Variants in TMEFF2 observed in about 807,000 individuals in gnomAD.
TMEFF2 encodes transmembrane protein with EGF like and two follistatin like domains 2.
Under a neutral mutation model 53.8 loss-of-function variants are expected in TMEFF2, and 28 were observed. That is an observed-to-expected ratio of 0.52 (90% CI 0.39 to 0.71). The LOEUF is 0.71. Ranked by LOEUF, TMEFF2 falls within the 30% of genes least tolerant of loss-of-function variation. The probability of loss-of-function intolerance (pLI) is 0.00; values close to 1 mark genes in which losing one functional copy is unlikely to be tolerated. For missense variants in TMEFF2, 353 were observed against 455.2 expected, an observed-to-expected ratio of 0.78 and a Z score of 2.04; for synonymous variants, 162 against 166.3, an observed-to-expected ratio of 0.97 and a Z score of 0.20.
chr2:192,029,734 G>A (rs141707880), intron 5 of TMEFF2, among the ~76,000 whole-genome samples: 1 of 152,162 alleles, frequency 6.6e-6, no homozygotes, highest in East Asian at 1.9e-4. Flanking sequence ...TGCAATTGAG[G>A]CATTTAAAAT....
intron 7 of TMEFF2, among the ~76,000 whole-genome samples, chr2:191,963,966 T>C (rs1006957607): frequency 6.6e-6 from 1 of 152,208 alleles, no homozygotes; most frequent in African/African-American, 2.4e-5. Flanking sequence ...GAAAATGAAA[T>C]TAAAGTAGGT....
chr2:192,089,736 G>C lies in TMEFF2; in HGVS notation c.440-31961C>G, dbSNP rs1245914467. ...CCTCTTCCAAGCTGTATGACTTTAC[G>C]TAACCTCTTTAAGGTTTTGTTTTCT... On this transcript the variant is annotated intron_variant, in intron 4 of 9. Transcript: ENST00000272771. Among the ~76,000 whole-genome samples the C allele has an allele frequency of 2.6e-5, 4 of 152,092 alleles. No homozygotes were observed. The East Asian group carries it at 7.7e-4, about 29-fold the overall frequency.
intron 5 of TMEFF2, among the ~76,000 whole-genome samples, chr2:192,039,130 AG>A (rs149738512): frequency 0.014 from 2,205 of 152,284 alleles, 48 homozygotes; most frequent in African/African-American, 0.051. Context: ...ATTGAGGAAA[AG>A]ACAGGCAATA....
chr2:192,048,337 TA>T (rs1687674388), intron 5 of TMEFF2, among the ~76,000 whole-genome samples: 2 of 146,612 alleles, frequency 1.4e-5, no homozygotes, highest in Middle Eastern at 3.5e-3. Context: ...TGTTAATATG[TA>T]AAATATTATT....
rs553738867 is a variant in TMEFF2 at position 191,950,016 on chromosome 2, A to ATTTT, written c.*291_*294dup. 2.7e-6 allele frequency: 3 copies of ATTTT among 1,116,590 alleles called. No homozygotes were observed. In the African/African-American group the frequency reaches 4.9e-5, roughly 18 times the overall value. The allele number at this position is 1,116,590 out of a possible 1,614,324, so 69.2% of individuals were successfully genotyped here. A position where few individuals can be genotyped will look rare whatever the true frequency, so the allele number is the denominator to read the frequency against. On this transcript the variant is annotated 3_prime_UTR_variant, in exon 10 of 10. Coordinates refer to ENST00000272771, the MANE Select transcript of TMEFF2 (RefSeq NM_016192.4). ...AGATACCGCAAATTTAAGAATGCCA[A>ATTTT]TTTTTTCTCATCACTGAGTATTTAT... is the stretch of plus-strand genomic sequence containing the variant.
intron 5 of TMEFF2, among the ~76,000 whole-genome samples, chr2:192,048,359 AAAAC>A (rs1176802107): frequency 6.2e-5 from 4 of 64,484 alleles, no homozygotes; most frequent in African/African-American, 9.7e-5. Flanking sequence ...AGATTCTCAT[AAAAC>A]ACACACACAC....
At chr2:192,125,448 C>T (rs1320295423) in intron 4 of TMEFF2, among the ~76,000 whole-genome samples, 1 of 152,076 alleles carries the variant, frequency 6.6e-6, no homozygotes, top group African/African-American at 2.4e-5. Context: ...GGTTTTTCCA[C>T]TTAGACATCT....
intron 4 of TMEFF2, among the ~76,000 whole-genome samples, chr2:192,110,382 A>G (rs1274870215): frequency 6.6e-6 from 1 of 152,196 alleles, no homozygotes; most frequent in African/African-American, 2.4e-5. Flanking sequence ...ATAGACAATT[A>G]TAAACAAGAG....
chr2:192,007,536 G>A (rs1276092318), intron 5 of TMEFF2, among the ~76,000 whole-genome samples: 2 of 152,090 alleles, frequency 1.3e-5, no homozygotes, highest in African/African-American at 4.8e-5. Context: ...CAGTGTGCTG[G>A]GAGGATCACA....
At chr2:191,962,868 G>A (rs970069914) in intron 7 of TMEFF2, among the ~76,000 whole-genome samples, 3 of 152,288 alleles carry the variant, frequency 2.0e-5, no homozygotes, top group Admixed American at 6.5e-5. Flanking sequence ...AGAGCAGGCC[G>A]CTGGGAGAAG....
At chr2:192,170,207 G>A (rs1574432307) in intron 4 of TMEFF2, among the ~76,000 whole-genome samples, 1 of 152,102 alleles carries the variant, frequency 6.6e-6, no homozygotes, top group East Asian at 1.9e-4. Context: ...AGATGACACT[G>A]TATAGCTCCA....
chr2:192,113,109 T>C (rs946352114), intron 4 of TMEFF2, among the ~76,000 whole-genome samples: 8 of 152,202 alleles, frequency 5.3e-5, no homozygotes, highest in African/African-American at 1.9e-4. Flanking sequence ...ATTTAATTAA[T>C]GTTGAAGGTT....
intron 7 of TMEFF2, among the ~76,000 whole-genome samples, chr2:191,969,473 G>T (rs1393503619): frequency 6.6e-6 from 1 of 152,068 alleles, no homozygotes; most frequent in Admixed American, 6.6e-5. Flanking sequence ...AGGTGCATAG[G>T]TAAGAGCCAT....
At chr2:191,995,566 A>C (rs1324420407) in intron 7 of TMEFF2, among the ~76,000 whole-genome samples, 8 of 152,038 alleles carry the variant, frequency 5.3e-5, no homozygotes, top group Non-Finnish European at 4.4e-5. Context: ...GGACAATGAC[A>C]CATAGACTCT....
Position 192,019,518 on chromosome 2 carries a change from C to T in TMEFF2, c.537-20310G>A, listed in dbSNP as rs181394655. 4.6e-3 allele frequency among the ~76,000 whole-genome samples: 698 copies of T among 152,028 alleles called. 5 individuals are homozygous for T. The highest frequency in any genetic ancestry group is 5.0e-3 in the Non-Finnish European group (340 of 67,902). On this transcript the variant is annotated intron_variant, in intron 5 of 9. Coordinates refer to ENST00000272771, the MANE Select transcript of TMEFF2 (RefSeq NM_016192.4). ...AGATAACTCTACTATAATGGATGCA[C>T]ATTTAGAAAAAATAATGTTAATGTA... is the stretch of plus-strand genomic sequence containing the variant.
intron 4 of TMEFF2, among the ~76,000 whole-genome samples, chr2:192,103,647 G>A (rs909791617): frequency 6.6e-6 from 1 of 151,746 alleles, no homozygotes; most frequent in Non-Finnish European, 1.5e-5. Flanking sequence ...AACTCTTCAG[G>A]TAAAGAACCT....
At chr2:192,077,699 G>A (rs999684016) in intron 4 of TMEFF2, among the ~76,000 whole-genome samples, 14 of 151,854 alleles carry the variant, frequency 9.2e-5, no homozygotes, top group Non-Finnish European at 1.5e-4. Flanking sequence ...AGGTATCATG[G>A]ATATTTAAAT....
At chr2:192,067,769 A>T (rs11895726) in intron 4 of TMEFF2, among the ~76,000 whole-genome samples, 13,027 of 151,846 alleles carry the variant, frequency 0.086, 975 homozygotes, top group African/African-American at 0.2. Flanking sequence ...ACCTACTAAA[A>T]ATTTGTTTTG....
intron 5 of TMEFF2, among the ~76,000 whole-genome samples, chr2:192,004,924 G>A (rs552248720): frequency 6.6e-6 from 1 of 152,156 alleles, no homozygotes; most frequent in Non-Finnish European, 1.5e-5. Flanking sequence ...TGCCTTTAAG[G>A]TTTTTTGTGT....
Sources: allele counts gnomAD v4.1 joint callset (sites outside exome capture counted in the v4.1 genomes callset), GRCh38; gene constraint gnomAD v4.1.1; transcripts MANE v1.5; gene names NCBI Gene and HGNC (gene_info 2026-07-23, HGNC 2026-07-21).